Variants in TENM3 observed in about 807,000 individuals in gnomAD.
TENM3 encodes the protein teneurin transmembrane protein 3.
Under a neutral mutation model 255.1 loss-of-function variants are expected in TENM3, and 63 were observed. The ratio of observed to expected loss-of-function variants is 0.25; its 90% confidence interval spans 0.20 to 0.30. TENM3 has a LOEUF of 0.30. TENM3 is among the 10% of genes least tolerant of loss of function. The pLI, the probability that TENM3 is intolerant of heterozygous loss-of-function variation, is 1.00. For missense variants in TENM3, 2,929 were observed against 3,461.1 expected, an observed-to-expected ratio of 0.85 and a Z score of 3.86; for synonymous variants, 1,306 against 1,322.3, an observed-to-expected ratio of 0.99 and a Z score of 0.27.
intron 22 of TENM3, among the ~76,000 whole-genome samples, chr4:182,758,650 T>G (rs1254088320): frequency 6.6e-6 from 1 of 152,144 alleles, no homozygotes; most frequent in African/African-American, 2.4e-5. Flanking sequence ...ATATTTCCCT[T>G]CATTTTTAGA....
the TENM3 span, among the ~76,000 whole-genome samples, chr4:181,932,163 C>A: frequency 6.6e-6 from 1 of 152,086 alleles, no homozygotes; most frequent in Non-Finnish European, 1.5e-5. Flanking sequence ...CCAAAATTGA[C>A]AAATGGGATC....
At chr4:181,930,359 CA>C in the TENM3 span, among the ~76,000 whole-genome samples, 1 of 152,108 alleles carries the variant, frequency 6.6e-6, no homozygotes, top group Non-Finnish European at 1.5e-5. Flanking sequence ...CACAGAAATA[CA>C]AACTACCATC....
the TENM3 span, among the ~76,000 whole-genome samples, chr4:181,696,900 G>A: frequency 6.6e-6 from 1 of 152,166 alleles, no homozygotes; most frequent in African/African-American, 2.4e-5. Context: ...TCAGAGCACG[G>A]GGTCCTGGGC....
chr4:181,502,981 C>T, the TENM3 span, among the ~76,000 whole-genome samples: 8 of 152,272 alleles, frequency 5.3e-5, no homozygotes, highest in South Asian at 6.2e-4. Flanking sequence ...ACTCGCTGGC[C>T]GTGACCATTT....
At chr4:181,741,947 G>T in the TENM3 span, among the ~76,000 whole-genome samples, 1 of 152,128 alleles carries the variant, frequency 6.6e-6, no homozygotes, top group Admixed American at 6.5e-5. Flanking sequence ...TCAAACCTCA[G>T]TAAACTCTTC....
At chr4:181,837,940 C>A in the TENM3 span, among the ~76,000 whole-genome samples, 1 of 152,074 alleles carries the variant, frequency 6.6e-6, no homozygotes, top group African/African-American at 2.4e-5. Context: ...GAGTTTGAGA[C>A]CAGCCTGACC....
intron 4 of TENM3, among the ~76,000 whole-genome samples, chr4:182,616,522 T>TAAAAAAAAAAAAAAAA (rs542212636): frequency 1.1e-5 from 1 of 94,322 alleles, no homozygotes; most frequent in African/African-American, 4.0e-5. Flanking sequence ...TAAAGTATAA[T>TAAAAAAAAAAAAAAAA]AAAAAAAAAA....
chr4:181,732,562 A>G, the TENM3 span, among the ~76,000 whole-genome samples: 1 of 152,296 alleles, frequency 6.6e-6, no homozygotes. Context: ...CACAGTTATT[A>G]TATTTATATA....
chr4:182,677,444 A>G (rs776046907), intron 7 of TENM3, among the ~76,000 whole-genome samples: 1 of 152,210 alleles, frequency 6.6e-6, no homozygotes, highest in Non-Finnish European at 1.5e-5. Flanking sequence ...AAAAATGTTT[A>G]TATGCTTCGG....
At chr4:181,626,113 T>C in the TENM3 span, among the ~76,000 whole-genome samples, 1 of 152,154 alleles carries the variant, frequency 6.6e-6, no homozygotes, top group African/African-American at 2.4e-5. Context: ...ATTTGGCAAA[T>C]GATCTCACCT....
intron 3 of TENM3, among the ~76,000 whole-genome samples, chr4:182,383,606 T>G (rs1406948713): frequency 6.6e-6 from 1 of 152,114 alleles, no homozygotes; most frequent in Non-Finnish European, 1.5e-5. Context: ...AGATAGTTTT[T>G]CCATGCCTGT....
the TENM3 span, among the ~76,000 whole-genome samples, chr4:181,615,403 C>T: frequency 5.9e-4 from 90 of 152,280 alleles, no homozygotes; most frequent in Non-Finnish European, 1.0e-3. Context: ...GAATATCCCA[C>T]GCCCGTTCAA....
At chr4:182,549,122 C>G (rs1046584109) in intron 3 of TENM3, among the ~76,000 whole-genome samples, 2 of 152,194 alleles carry the variant, frequency 1.3e-5, no homozygotes, top group Admixed American at 6.5e-5. Flanking sequence ...TCCGGTGACA[C>G]TGCAGAAAAT....
At chr4:182,286,739 A>G (rs1045637251) in intron 1 of TENM3, among the ~76,000 whole-genome samples, 1 of 152,068 alleles carries the variant, frequency 6.6e-6, no homozygotes, top group Admixed American at 6.6e-5. Flanking sequence ...CTTTTTGCCA[A>G]CTGACCACCA....
intron 12 of TENM3, among the ~76,000 whole-genome samples, chr4:182,690,983 TA>T (rs1174919899): frequency 6.6e-6 from 1 of 152,258 alleles, no homozygotes; most frequent in Non-Finnish European, 1.5e-5. Flanking sequence ...GTGAACCTTT[TA>T]AAAGATGTAG....
In TENM3 at chr4:182,792,710, TA is replaced by T. The variant is rs1470074564; in HGVS notation, c.6041del (p.Asn2014MetfsTer14). On this transcript the variant is annotated frameshift_variant, in exon 26 of 28. Transcript: ENST00000511685. LOFTEE classifies it high-confidence loss of function. The surrounding 1 kb of genome is among the most constrained non-coding windows in gnomAD (Gnocchi z 6.3). ...QIFRFSEDGM[V>X]NARFDYSYDN... ...TTCCGCTTTAGTGAAGATGGGATGGTAAATGCAAGATTTGACTATAGCTATG... is the reference window on the plus strand; with the variant it reads ...TTCCGCTTTAGTGAAGATGGGATGGTAATGCAAGATTTGACTATAGCTATG... 1 of 1,613,988 alleles carries T rather than the reference TA, an allele frequency of 6.2e-7. No individual in the cohort carries two copies.
the TENM3 span, among the ~76,000 whole-genome samples, chr4:182,118,888 C>T: frequency 6.6e-6 from 1 of 152,236 alleles, no homozygotes; most frequent in African/African-American, 2.4e-5. Context: ...TCTCTGTGCT[C>T]ATGAGAGATT....
the TENM3 span, among the ~76,000 whole-genome samples, chr4:181,562,944 G>C: frequency 6.6e-6 from 1 of 152,190 alleles, no homozygotes; most frequent in Non-Finnish European, 1.5e-5. Context: ...CAAAGTGCTG[G>C]GATTACAGGA....
chr4:181,596,166 T>C, the TENM3 span, among the ~76,000 whole-genome samples: 1 of 152,198 alleles, frequency 6.6e-6, no homozygotes, highest in Non-Finnish European at 1.5e-5. Context: ...TGAAGTCTTG[T>C]TTTTGTAGAC....
Sources: gnomAD v4.1 joint callset for allele counts (sites outside exome capture counted in the v4.1 genomes callset) on GRCh38, gnomAD v4.1.1 for gene constraint, Gnocchi (gnomAD v3.1) non-coding constraint, MANE v1.5 for transcripts, NCBI Gene and HGNC (gene_info 2026-07-23, HGNC 2026-07-21) for gene names.